The following STAG1 variants were observed in gnomAD, a reference collection of about 807,000 sequenced individuals.
STAG1 encodes the protein cohesin subunit SA-1.
STAG1 carries 26 observed loss-of-function variants against 170.9 expected under a neutral mutation model. That is an observed-to-expected ratio of 0.15 (90% confidence interval 0.11 to 0.21). The LOEUF (loss-of-function observed/expected upper bound fraction) is 0.21. Among genes scored for constraint, STAG1 ranks in the 10% least tolerant of loss-of-function variants. The probability of loss-of-function intolerance (pLI) is 1.00; values close to 1 mark genes in which losing one functional copy is unlikely to be tolerated. For synonymous variants in STAG1, 514 were observed against 497.7 expected, an observed-to-expected ratio of 1.03 and a Z score of -0.44; for missense variants, 964 against 1,509.5, an observed-to-expected ratio of 0.64 and a Z score of 5.99.
At chr3:136,450,408 A>G (rs1003224056) in intron 14 of STAG1, among the ~76,000 whole-genome samples, 2 of 152,170 alleles carry the variant, frequency 1.3e-5, no homozygotes, top group Non-Finnish European at 2.9e-5. Context: ...TCAACTCTCT[A>G]GCTAGTTTTG....
intron 1 of STAG1, among the ~76,000 whole-genome samples, chr3:136,685,693 T>C (rs1018378569): frequency 1.3e-5 from 2 of 152,188 alleles, no homozygotes; most frequent in African/African-American, 2.4e-5. Flanking sequence ...GAAAAGATTA[T>C]ATATTGTATG....
At chr3:136,691,811 G>A (rs551382645) in intron 1 of STAG1, among the ~76,000 whole-genome samples, 1 of 152,164 alleles carries the variant, frequency 6.6e-6, no homozygotes, top group Non-Finnish European at 1.5e-5. Context: ...ACAGGGAAGA[G>A]GAACTAAGTA....
intron 1 of STAG1, among the ~76,000 whole-genome samples, chr3:136,652,914 C>T (rs955007277): frequency 6.6e-6 from 1 of 152,084 alleles, no homozygotes; most frequent in African/African-American, 2.4e-5. Context: ...CTGTGACAAC[C>T]AAAAATGTCT....
intron 5 of STAG1, among the ~76,000 whole-genome samples, chr3:136,563,628 T>C (rs1458808059): frequency 6.8e-6 from 1 of 147,366 alleles, no homozygotes; most frequent in Non-Finnish European, 1.5e-5. Context: ...AATGAACCCT[T>C]ATATTCCCTT....
intron 1 of STAG1, among the ~76,000 whole-genome samples, chr3:136,668,269 C>T (rs1413841374): frequency 1.4e-5 from 2 of 146,036 alleles, no homozygotes; most frequent in Non-Finnish European, 3.0e-5. Flanking sequence ...ATATATTATA[C>T]ATAATATATA....
Position 136,398,830 on chromosome 3 carries a change from C to A in STAG1, c.2197-1G>T. 1 of 1,553,518 alleles carries A rather than the reference C, an allele frequency of 6.4e-7. No individual in the cohort carries two copies. The highest frequency in any genetic ancestry group is 8.7e-7 in the Non-Finnish European group (1 of 1,150,724). On this transcript the variant is annotated splice_acceptor_variant, in intron 21 of 33. Coordinates refer to ENST00000383202, the MANE Select transcript of STAG1 (RefSeq NM_005862.3). LOFTEE classifies it high-confidence loss of function. Reference sequence around the variant, plus strand: ...AACACTGCAGTGCTTGCACGACTATCTGTATCAAATGAAAAAAAATTTTTT... The same window carrying A: ...AACACTGCAGTGCTTGCACGACTATATGTATCAAATGAAAAAAAATTTTTT...
intron 1 of STAG1, among the ~76,000 whole-genome samples, chr3:136,746,692 G>A (rs575732158): frequency 2.2e-4 from 33 of 152,224 alleles, no homozygotes; most frequent in African/African-American, 7.2e-4. Context: ...TCAGTCGGGC[G>A]CAGTGGCTCA....
At chr3:136,524,900 T>C (rs1934914224) in intron 6 of STAG1, among the ~76,000 whole-genome samples, 1 of 152,254 alleles carries the variant, frequency 6.6e-6, no homozygotes, top group African/African-American at 2.4e-5. Context: ...ATTACGTTTA[T>C]TGATTTGTGT....
At chr3:136,425,591 T>C (rs993611458) in intron 16 of STAG1, among the ~76,000 whole-genome samples, 9 of 151,322 alleles carry the variant, frequency 5.9e-5, no homozygotes, top group Non-Finnish European at 1.0e-4. Flanking sequence ...AAAATAAGTT[T>C]GGGAAAAAAA....
intron 13 of STAG1, among the ~76,000 whole-genome samples, chr3:136,452,495 C>T (rs958839932): frequency 2.0e-5 from 3 of 150,438 alleles, no homozygotes; most frequent in Middle Eastern, 3.5e-3. Context: ...ACCCAGGAGG[C>T]GGAGCTTGCA....
intron 1 of STAG1, among the ~76,000 whole-genome samples, chr3:136,676,430 T>C (rs1172694857): frequency 6.6e-6 from 1 of 152,204 alleles, no homozygotes; most frequent in African/African-American, 2.4e-5. Flanking sequence ...AACAAACACA[T>C]TGTCTGGATA....
At chr3:136,621,805 T>C (rs755770015) in intron 3 of STAG1, among the ~76,000 whole-genome samples, 2 of 151,978 alleles carry the variant, frequency 1.3e-5, no homozygotes, top group Admixed American at 6.6e-5. Context: ...AAAAGACATA[T>C]AGACAATAAC....
At chr3:136,524,600 C>A (rs918252346) in intron 6 of STAG1, among the ~76,000 whole-genome samples, 14 of 152,180 alleles carry the variant, frequency 9.2e-5, no homozygotes, top group Non-Finnish European at 1.6e-4. Flanking sequence ...TTTCTCCTGC[C>A]TGACTGCCCT....
At chr3:136,515,945 G>T (rs902086178) in intron 7 of STAG1, among the ~76,000 whole-genome samples, 1 of 151,600 alleles carries the variant, frequency 6.6e-6, no homozygotes, top group African/African-American at 2.4e-5. Context: ...AAAACACAAC[G>T]GTGAAAAAGT....
At chr3:136,613,962 C>T (rs1939446504) in intron 3 of STAG1, among the ~76,000 whole-genome samples, 1 of 152,090 alleles carries the variant, frequency 6.6e-6, no homozygotes, top group East Asian at 1.9e-4. Context: ...TGCCTGTAAT[C>T]CCAGCACTTT....
intron 1 of STAG1, among the ~76,000 whole-genome samples, chr3:136,709,721 C>A (rs535759420): frequency 1.4e-5 from 2 of 141,692 alleles, no homozygotes; most frequent in Non-Finnish European, 3.2e-5. Flanking sequence ...GGCAACAGAA[C>A]AAGACCCTCT....
chr3:136,403,224 TAAAAAAAAAAAA>T lies in STAG1; in HGVS notation c.2197-4407_2197-4396del, dbSNP rs55678408. Among the ~76,000 whole-genome samples the T allele has an allele frequency of 1.2e-3, 42 of 33,610 alleles. 1 individual carries two copies. The East Asian group carries it at 0.023, about 18-fold the overall frequency. 22.0% of individuals were successfully genotyped at this position (33,610 alleles called of 152,430 possible). A position where few individuals can be genotyped will look rare whatever the true frequency, so the allele number is the denominator to read the frequency against. Reference sequence around the variant, plus strand: ...CCTGGGCGACAGAGTGAGACTGTCTTAAAAAAAAAAAAAAAAAAAAAAAAAAAAAGAAAAGAA... The same window carrying T: ...CCTGGGCGACAGAGTGAGACTGTCTTAAAAAAAAAAAAAAAAAGAAAAGAA... On this transcript the variant is annotated intron_variant, in intron 21 of 33. Transcript: ENST00000383202.
chr3:136,640,692 T>C (rs899667010), intron 1 of STAG1, among the ~76,000 whole-genome samples: 2 of 147,240 alleles, frequency 1.4e-5, no homozygotes, highest in African/African-American at 2.5e-5. Context: ...TTTTTTTTTT[T>C]AGACAGAGTC....
At chr3:136,674,799 T>C (rs898762486) in intron 1 of STAG1, among the ~76,000 whole-genome samples, 1 of 152,218 alleles carries the variant, frequency 6.6e-6, no homozygotes, top group Non-Finnish European at 1.5e-5. Context: ...AGCTGTTTTT[T>C]AAAAAGCTAA....
Sources: gnomAD v4.1 joint callset for allele counts (sites outside exome capture counted in the v4.1 genomes callset) on GRCh38, gnomAD v4.1.1 for gene constraint, MANE v1.5 for transcripts, NCBI Gene and HGNC (gene_info 2026-07-23, HGNC 2026-07-21) for gene names.